The following SIPA1L2 variants were observed in gnomAD, a reference collection of about 807,000 sequenced individuals.
The protein encoded by SIPA1L2 is signal induced proliferation associated 1 like 2.
A neutral mutation model predicts 163.9 loss-of-function variants in SIPA1L2; 56 were observed. The ratio of observed to expected loss-of-function variants is 0.34; its 90% CI spans 0.28 to 0.43. The LOEUF is 0.43. SIPA1L2 is among the 20% of genes least tolerant of loss of function. The probability of loss-of-function intolerance (pLI) is 1.00; values close to 1 mark genes in which losing one functional copy is unlikely to be tolerated. For synonymous variants in SIPA1L2, 877 were observed against 865.7 expected, an observed-to-expected ratio of 1.01 and a Z score of -0.23; for missense variants, 1,974 against 2,193.5, an observed-to-expected ratio of 0.90 and a Z score of 2.00.
chr1:232,576,455 T>C (rs1203899971), intron 1 of SIPA1L2, among the ~76,000 whole-genome samples: 5 of 152,172 alleles, frequency 3.3e-5, no homozygotes, highest in Non-Finnish European at 7.3e-5. Context: ...AAATATTGTG[T>C]TCTGATGGCT....
intron 16 of SIPA1L2, 130 bp from the exon 17 acceptor site, chr1:232,428,694 C>T: frequency 3.5e-6 from 2 of 578,148 alleles, no homozygotes; most frequent in Non-Finnish European, 5.4e-6. Flanking sequence ...TAAGTCAGTT[C>T]ACTTTTGCTG....
At chr1:232,614,378 G>A (rs916911836) in intron 1 of SIPA1L2, among the ~76,000 whole-genome samples, 1 of 152,142 alleles carries the variant, frequency 6.6e-6, no homozygotes, top group Admixed American at 6.5e-5. Flanking sequence ...TCGTACTTCA[G>A]TTCAGATAGA....
chr1:232,477,591 A>C (rs1450890563), intron 7 of SIPA1L2, among the ~76,000 whole-genome samples: 4 of 152,154 alleles, frequency 2.6e-5, no homozygotes, highest in African/African-American at 9.7e-5. Context: ...TTTACTTTCC[A>C]GTTGGGGAAG....
chr1:232,620,798 T>C (rs1195572255), intron 1 of SIPA1L2, among the ~76,000 whole-genome samples: 2 of 152,230 alleles, frequency 1.3e-5, no homozygotes, highest in Non-Finnish European at 2.9e-5. Flanking sequence ...AGCATTTCAG[T>C]GAATGTTCAA....
At chr1:232,558,242 T>G (rs1266385043) in intron 2 of SIPA1L2, among the ~76,000 whole-genome samples, 1 of 152,174 alleles carries the variant, frequency 6.6e-6, no homozygotes, top group Non-Finnish European at 1.5e-5. Context: ...AAGAGAGTTT[T>G]GGGCAGGAAC....
At chr1:232,401,700 C>G (rs1004650129) in intron 22 of SIPA1L2, among the ~76,000 whole-genome samples, 5 of 152,198 alleles carry the variant, frequency 3.3e-5, no homozygotes, top group African/African-American at 1.2e-4. Flanking sequence ...GCTCTTCACC[C>G]TCATCATAAT....
intron 2 of SIPA1L2, among the ~76,000 whole-genome samples, chr1:232,563,954 T>G (rs936141076): frequency 1.5e-5 from 2 of 130,128 alleles, no homozygotes; most frequent in African/African-American, 6.9e-5. Context: ...GTTTTTTTTT[T>G]TCGTGTGTGT....
intron 18 of SIPA1L2, among the ~76,000 whole-genome samples, chr1:232,419,770 A>G (rs1234889163): frequency 6.6e-6 from 1 of 152,178 alleles, no homozygotes; most frequent in Non-Finnish European, 1.5e-5. Context: ...CCAGCCCCAG[A>G]TATTTCTTTA....
intron 1 of SIPA1L2, among the ~76,000 whole-genome samples, chr1:232,577,423 A>T (rs1011753763): frequency 1.3e-5 from 2 of 152,246 alleles, no homozygotes; most frequent in African/African-American, 4.8e-5. Flanking sequence ...AACAACATCC[A>T]TTCCGCAGCC....
intron 2 of SIPA1L2, among the ~76,000 whole-genome samples, chr1:232,545,857 T>C (rs1658000183): frequency 5.3e-5 from 8 of 152,350 alleles, no homozygotes; most frequent in Admixed American, 4.6e-4. Context: ...AAAATCTATA[T>C]TACTTCTTTA....
intron 2 of SIPA1L2, among the ~76,000 whole-genome samples, chr1:232,522,253 T>C (rs930343705): frequency 6.6e-6 from 1 of 152,196 alleles, no homozygotes; most frequent in African/African-American, 2.4e-5. Flanking sequence ...AAGCCACTCA[T>C]GATTTGGTCC....
At chr1:232,472,108 T>C (rs1470754075) in intron 7 of SIPA1L2, among the ~76,000 whole-genome samples, 1 of 152,298 alleles carries the variant, frequency 6.6e-6, no homozygotes, top group East Asian at 1.9e-4. Flanking sequence ...GCCCAATCAT[T>C]TGTAATTTTA....
chr1:232,592,745 A>C (rs574269327), intron 1 of SIPA1L2, among the ~76,000 whole-genome samples: 93 of 152,186 alleles, frequency 6.1e-4, no homozygotes, highest in Non-Finnish European at 8.8e-4. Flanking sequence ...AAACTAATTT[A>C]ATATAAAATT....
Position 232,515,183 on chromosome 1 carries a change from C to T in SIPA1L2, c.157G>A (p.Ala53Thr). 1 of 1,614,090 alleles carries T rather than the reference C, an allele frequency of 6.2e-7. No homozygotes were observed. Among genetic ancestry groups the T allele is most frequent in the East Asian group, 2.2e-5 (1 of 44,892 alleles). ...GNMGPTTSLN[A>T]SNSNETGGGG... Reference sequence around the variant, plus strand: ...CCGCCAGTCTCATTGGAATTCGAGGCATTTAAAGAAGTAGTGGGTCCCATG... The same window carrying T: ...CCGCCAGTCTCATTGGAATTCGAGGTATTTAAAGAAGTAGTGGGTCCCATG... The change falls in exon 3 of 23, where the codon GCC (alanine) becomes ACC (threonine). Residue 53 changes from alanine to threonine, a missense_variant. Physicochemically the swap from Ala to Thr is moderately conservative, Grantham distance 58. Around this residue, in one of 3 missense-constraint regions of SIPA1L2, gnomAD observed 607 missense variants for 624.0 expected, o/e 0.97. Coordinates refer to ENST00000674635, the MANE Select transcript of SIPA1L2 (RefSeq NM_020808.5).
intron 2 of SIPA1L2, among the ~76,000 whole-genome samples, chr1:232,526,642 G>C (rs2103072873): frequency 6.6e-6 from 1 of 152,320 alleles, no homozygotes; most frequent in Non-Finnish European, 1.5e-5. Context: ...CCCACTGCTT[G>C]AGAGTTCTTC....
At chr1:232,507,940 T>C (rs1666801909) in intron 3 of SIPA1L2, among the ~76,000 whole-genome samples, 1 of 152,236 alleles carries the variant, frequency 6.6e-6, no homozygotes, top group South Asian at 2.1e-4. Context: ...TCAAGGATAA[T>C]GACGAAATGT....
chr1:232,529,981 A>G (rs1284975483), intron 2 of SIPA1L2, among the ~76,000 whole-genome samples: 1 of 152,216 alleles, frequency 6.6e-6, no homozygotes, highest in East Asian at 1.9e-4. Context: ...CCCAGACTTC[A>G]GTATGAGCAG....
intron 1 of SIPA1L2, among the ~76,000 whole-genome samples, chr1:232,615,396 C>G (rs1425153914): frequency 1.3e-5 from 2 of 152,206 alleles, no homozygotes; most frequent in African/African-American, 4.8e-5. Flanking sequence ...AGGAGAAAAT[C>G]ACACACACAA....
At chr1:232,504,782 C>T (rs1479619665) in intron 3 of SIPA1L2, among the ~76,000 whole-genome samples, 3 of 152,158 alleles carry the variant, frequency 2.0e-5, no homozygotes, top group Non-Finnish European at 4.4e-5. Context: ...TCAGTTCATC[C>T]TGTCTACTTA....
Sources: allele counts gnomAD v4.1 joint callset (sites outside exome capture counted in the v4.1 genomes callset), GRCh38; gene constraint gnomAD v4.1.1; regional missense constraint gnomAD v4.1.1; transcripts MANE v1.5; gene names NCBI Gene and HGNC (gene_info 2026-07-23, HGNC 2026-07-21).